Variants in SDC2 observed in about 807,000 individuals in gnomAD.
SDC2 encodes the protein syndecan-2.
A neutral mutation model predicts 22.2 loss-of-function variants in SDC2; 13 were observed. That is an observed-to-expected ratio of 0.59 (90% CI 0.38 to 0.93). The LOEUF is 0.93. SDC2 is among the 40% of genes least tolerant of loss of function. The pLI, the probability that SDC2 is intolerant of heterozygous loss-of-function variation, is 0.00. For missense variants in SDC2, 235 were observed against 246.8 expected (o/e 0.95, Z 0.32); for synonymous variants, 94 against 92.8 (o/e 1.01, Z -0.07).
At chr8:96,585,881 TTGG>T (rs1814678378) in intron 1 of SDC2, among the ~76,000 whole-genome samples, 8 of 147,120 alleles carry the variant, frequency 5.4e-5, no homozygotes, top group Non-Finnish European at 3.0e-5. Flanking sequence ...TTTTTTTTGG[TTGG>T]TGGGGGTCGC....
intron 1 of SDC2, among the ~76,000 whole-genome samples, chr8:96,591,552 A>C (rs909756022): frequency 5.9e-5 from 9 of 152,176 alleles, no homozygotes; most frequent in African/African-American, 2.2e-4. Flanking sequence ...TACTCTGCTG[A>C]GGGGCAAGAA....
intron 3 of SDC2, among the ~76,000 whole-genome samples, chr8:96,603,309 A>G (rs532186545): frequency 6.6e-6 from 1 of 152,364 alleles, no homozygotes; most frequent in East Asian, 1.9e-4. Flanking sequence ...GAGTGCATGT[A>G]GCATGGCACC....
chr8:96,591,350 A>G (rs1404296141), intron 1 of SDC2, among the ~76,000 whole-genome samples: 1 of 152,202 alleles, frequency 6.6e-6, no homozygotes, highest in Non-Finnish European at 1.5e-5. Context: ...TTTGGGGCAG[A>G]TGGTCTCCTA....
At chr8:96,576,849 C>T (rs986698527) in intron 1 of SDC2, among the ~76,000 whole-genome samples, 11 of 152,144 alleles carry the variant, frequency 7.2e-5, no homozygotes, top group Admixed American at 3.9e-4. Context: ...CACAATCTCA[C>T]CTAAGAAAGT....
At chr8:96,561,832 A>G (rs1199711102) in intron 1 of SDC2, among the ~76,000 whole-genome samples, 1 of 152,236 alleles carries the variant, frequency 6.6e-6, no homozygotes, top group Non-Finnish European at 1.5e-5. Context: ...TGGTCCTATC[A>G]GGTAAGAGGG....
chr8:96,516,234 C>A (rs1039045661), intron 1 of SDC2, among the ~76,000 whole-genome samples: 1 of 152,036 alleles, frequency 6.6e-6, no homozygotes, highest in Non-Finnish European at 1.5e-5. Flanking sequence ...GTTTTTAGTT[C>A]GGGATCTAAG....
At chr8:96,578,411 T>C (rs112799905) in intron 1 of SDC2, among the ~76,000 whole-genome samples, 1 of 152,228 alleles carries the variant, frequency 6.6e-6, no homozygotes, top group Non-Finnish European at 1.5e-5. Flanking sequence ...ATGTGGCTAT[T>C]TGCTGTTATT....
intron 1 of SDC2, among the ~76,000 whole-genome samples, chr8:96,552,532 C>A (rs992925773): frequency 6.6e-6 from 1 of 152,160 alleles, no homozygotes; most frequent in African/African-American, 2.4e-5. Context: ...CAGTTCAATA[C>A]ATTTGATAAG....
chr8:96,578,133 T>C (rs975760488), intron 1 of SDC2, among the ~76,000 whole-genome samples: 5 of 152,216 alleles, frequency 3.3e-5, no homozygotes, highest in African/African-American at 1.2e-4. Flanking sequence ...AAGGCAATTA[T>C]GTTGTTAGGC....
intron 1 of SDC2, among the ~76,000 whole-genome samples, chr8:96,552,992 G>C (rs1814051449): frequency 1.3e-5 from 2 of 152,134 alleles, no homozygotes; most frequent in African/African-American, 2.4e-5. Flanking sequence ...TTTATAACCA[G>C]ACTGATGAAA....
intron 1 of SDC2, among the ~76,000 whole-genome samples, chr8:96,514,123 G>T (rs1813368345): frequency 6.6e-6 from 1 of 152,192 alleles, no homozygotes; most frequent in African/African-American, 2.4e-5. Flanking sequence ...CTGATGGCAA[G>T]ATCTCTATTT....
chr8:96,578,862 G>A (rs549377351), intron 1 of SDC2, among the ~76,000 whole-genome samples: 27 of 152,222 alleles, frequency 1.8e-4, no homozygotes, highest in South Asian at 4.1e-4. Flanking sequence ...TGATGGGGTG[G>A]GTGTGGAAAG....
chr8:96,513,022 A>T (rs73698104), intron 1 of SDC2, among the ~76,000 whole-genome samples: 13 of 152,040 alleles, frequency 8.6e-5, no homozygotes, highest in African/African-American at 3.1e-4. Flanking sequence ...ACTTTTTTAT[A>T]CTTTATTCAT....
At chr8:96,513,971 TACG>T (rs1338746728) in intron 1 of SDC2, among the ~76,000 whole-genome samples, 2 of 152,214 alleles carry the variant, frequency 1.3e-5, no homozygotes, top group East Asian at 1.9e-4. Context: ...GAAGATTCTG[TACG>T]ACATTTTAAA....
Position 96,609,869 on chromosome 8 carries a change from C to T in SDC2, c.*321C>T, listed in dbSNP as rs1018089407. Reference sequence around the variant, plus strand: ...TTTTCCTATGACTCAAAGATGAAAGCTGTTTCATTTGTGTCAGCATGTCTC... The same window carrying T: ...TTTTCCTATGACTCAAAGATGAAAGTTGTTTCATTTGTGTCAGCATGTCTC... On this transcript the variant is annotated 3_prime_UTR_variant, in exon 5 of 5. Transcript: ENST00000302190. The T allele has an allele frequency of 5.6e-6, 1 of 179,012 alleles. No individual in the cohort carries two copies. The highest frequency in any genetic ancestry group is 1.2e-5 in the Non-Finnish European group (1 of 86,004). The allele number at this position is 179,012 out of a possible 1,614,324, so 11.1% of individuals were successfully genotyped here.
intron 1 of SDC2, among the ~76,000 whole-genome samples, chr8:96,559,636 T>C (rs1488111423): frequency 1.3e-5 from 2 of 152,228 alleles, no homozygotes; most frequent in Non-Finnish European, 2.9e-5. Context: ...GATTTAGTGA[T>C]TCAACCTTTG....
intron 1 of SDC2, among the ~76,000 whole-genome samples, chr8:96,589,981 A>G (rs1364629897): frequency 6.6e-6 from 1 of 152,212 alleles, no homozygotes; most frequent in African/African-American, 2.4e-5. Context: ...GGTTTACACA[A>G]CTGAATCAGA....
At chr8:96,559,199 CAT>C (rs1188764195) in intron 1 of SDC2, among the ~76,000 whole-genome samples, 2 of 152,050 alleles carry the variant, frequency 1.3e-5, no homozygotes, top group Non-Finnish European at 1.5e-5. Flanking sequence ...GGTGTGATGA[CAT>C]GAGACAAGAG....
rs547901703 is a variant in SDC2, at chr8:96,512,610, G to A, written c.60+18279G>A. On this transcript the variant is annotated intron_variant, in intron 1 of 4. Coordinates refer to ENST00000302190, the MANE Select transcript of SDC2 (RefSeq NM_002998.4). ...GACAAGAAAGGAAAGTGGAGAACAT[G>A]GGGGTGCTCAAGCCAGATGTGGGGG... 4.6e-5 allele frequency among the ~76,000 whole-genome samples: 7 copies of A among 152,268 alleles called. No individual in the cohort carries two copies. In the South Asian group the frequency reaches 1.5e-3, roughly 32 times the overall value.
Sources: allele counts gnomAD v4.1 joint callset (sites outside exome capture counted in the v4.1 genomes callset), GRCh38; gene constraint gnomAD v4.1.1; transcripts MANE v1.5; gene names NCBI Gene and HGNC (gene_info 2026-07-23, HGNC 2026-07-21).